SLC2A9: variants seen among roughly 807,000 people sequenced by gnomAD.
SLC2A9 encodes solute carrier family 2 member 9, also known as solute carrier family 2, facilitated glucose transporter member 9.
A neutral mutation model predicts 50.6 loss-of-function variants in SLC2A9; 39 were observed. That is an observed-to-expected ratio of 0.77 (90% CI 0.60 to 1.01). The LOEUF (loss-of-function observed/expected upper bound fraction) is 1.01, where lower values mean the gene tolerates loss of function less well. SLC2A9 is among the 50% of genes least tolerant of loss of function. The pLI is 0.00. For missense variants in SLC2A9, 686 were observed against 677.6 expected (o/e 1.01, Z -0.14); for synonymous variants, 324 against 276.9 (o/e 1.17, Z -1.69).
intron 3 of SLC2A9, among the ~76,000 whole-genome samples, chr4:9,786,300 A>G (rs1292098809): frequency 2.0e-5 from 3 of 152,224 alleles, no homozygotes; most frequent in Non-Finnish European, 4.4e-5. Flanking sequence ...GCCTGTGGTC[A>G]CAGAGCTCCT....
intron 5 of SLC2A9, among the ~76,000 whole-genome samples, chr4:9,971,205 C>T (rs894175317): frequency 6.6e-6 from 1 of 152,084 alleles, no homozygotes; most frequent in African/African-American, 2.4e-5. Context: ...ACAAGTTTCA[C>T]CTAATTTGTC....
At chr4:9,935,496 A>G (rs116050058) in intron 6 of SLC2A9, among the ~76,000 whole-genome samples, 5,569 of 152,258 alleles carry the variant, frequency 0.037, 363 homozygotes, top group African/African-American at 0.13. Flanking sequence ...CAGAACCTGG[A>G]GCTGAGCTGG....
intron 5 of SLC2A9, among the ~76,000 whole-genome samples, chr4:9,949,565 G>A (rs1252994029): frequency 1.3e-5 from 2 of 152,208 alleles, no homozygotes; most frequent in African/African-American, 4.8e-5. Flanking sequence ...AGGGGGTCTG[G>A]CAGAACAAGA....
chr4:10,004,060 A>C (rs952721103), intron 2 of SLC2A9, among the ~76,000 whole-genome samples: 2 of 152,184 alleles, frequency 1.3e-5, no homozygotes, highest in African/African-American at 4.8e-5. Context: ...CCATCTCTTA[A>C]CCATTACTTT....
chr4:9,925,693 T>G (rs191049909), intron 6 of SLC2A9, among the ~76,000 whole-genome samples: 2 of 152,302 alleles, frequency 1.3e-5, no homozygotes, highest in Admixed American at 6.5e-5. Context: ...GAGCCTTGCA[T>G]AGAATGTACA....
At chr4:10,018,792 C>T (rs1177407361) in intron 2 of SLC2A9, among the ~76,000 whole-genome samples, 183 bp downstream of exon 2, 1 of 152,140 alleles carries the variant, frequency 6.6e-6, no homozygotes, top group Non-Finnish European at 1.5e-5. Context: ...CCGCCCCTGT[C>T]CCCGTGTCAT....
intron 1 of SLC2A9, among the ~76,000 whole-genome samples, chr4:9,772,489 T>C (rs866016016): frequency 1.3e-5 from 2 of 152,330 alleles, no homozygotes; most frequent in Non-Finnish European, 1.5e-5. Flanking sequence ...CCGGAGGCTC[T>C]AACAGAATGT....
rs558803601 is a variant in SLC2A9, at chr4:10,014,421, G to T, written c.249+4554C>A. Among the ~76,000 whole-genome samples, 3 of 152,342 alleles carry T rather than the reference G, an allele frequency of 2.0e-5. No homozygotes were observed. The East Asian group carries it at 5.8e-4, about 29-fold the overall frequency. On this transcript the variant is annotated intron_variant, in intron 2 of 11. Transcript: ENST00000264784. The stretch of plus-strand genomic sequence containing the variant: ...ACTCAGGGCAGTTTCCACCTCGGAA[G>T]GGCCTCCCAGGGCGAGCCTTGGCCC...
At chr4:9,834,439 A>G (rs1263958909) in intron 11 of SLC2A9, among the ~76,000 whole-genome samples, 2 of 152,102 alleles carry the variant, frequency 1.3e-5, no homozygotes, top group African/African-American at 2.4e-5. Flanking sequence ...GCATTTTCCT[A>G]CTGATCACTG....
intron 10 of SLC2A9, among the ~76,000 whole-genome samples, chr4:9,862,801 A>G (rs1731859835): frequency 6.6e-6 from 1 of 152,010 alleles, no homozygotes. Context: ...CTGGTCAGTA[A>G]TCCTCAATAT....
intron 5 of SLC2A9, among the ~76,000 whole-genome samples, chr4:9,957,952 AG>A (rs1284396328): frequency 5.9e-5 from 9 of 152,230 alleles, no homozygotes; most frequent in African/African-American, 1.4e-4. Flanking sequence ...ACAACTGAAG[AG>A]AAAGATTCTC....
chr4:9,821,957 T>C (rs1287324714), downstream of SLC2A9, among the ~76,000 whole-genome samples: 2 of 152,238 alleles, frequency 1.3e-5, no homozygotes, highest in Admixed American at 1.3e-4. Context: ...GAGTGACTTT[T>C]GATAGTGTCT....
At chr4:9,879,402 T>C in intron 10 of SLC2A9, 1 of 975,736 alleles carries the variant, frequency 1.0e-6, no homozygotes, top group Non-Finnish European at 1.2e-6. Flanking sequence ...GTGTGTGTGT[T>C]TGTGCGTGTG....
rs563201663 is a variant in SLC2A9, at chr4:9,877,126, A to T, written c.1291+10441T>A. 2.6e-5 allele frequency among the ~76,000 whole-genome samples: 4 copies of T among 152,352 alleles called. No individual in the cohort carries two copies. In the South Asian group the frequency reaches 8.3e-4, roughly 32 times the overall value. ...ATTCCCTAACTTTTGAGGGGAAAGGAGACATCTGATTCGACTCCCCCTAAA... is the reference window on the plus strand; with the variant it reads ...ATTCCCTAACTTTTGAGGGGAAAGGTGACATCTGATTCGACTCCCCCTAAA... On this transcript the variant is annotated intron_variant, in intron 10 of 11. Transcript: ENST00000264784.
chr4:9,827,823 C>T (rs1725391459), intron 11 of SLC2A9, among the ~76,000 whole-genome samples: 2 of 152,180 alleles, frequency 1.3e-5, no homozygotes, highest in African/African-American at 4.8e-5. Context: ...AGTATGGGCT[C>T]TGAAGCCAGT....
At chr4:9,782,598 G>T (rs749801481) in intron 3 of SLC2A9, 3 of 1,613,954 alleles carry the variant, frequency 1.9e-6, no homozygotes, top group Non-Finnish European at 2.5e-6. Context: ...TCTTGGGGCG[G>T]GCTGGACCTG....
intron 9 of SLC2A9, among the ~76,000 whole-genome samples, chr4:9,889,130 G>C (rs746994930): frequency 1.1e-4 from 16 of 152,204 alleles, no homozygotes; most frequent in Non-Finnish European, 2.4e-4. Context: ...GGGAACACAG[G>C]AGAGAGCACC....
At chr4:10,000,515 C>T (rs1759590219) in intron 2 of SLC2A9, among the ~76,000 whole-genome samples, 1 of 152,164 alleles carries the variant, frequency 6.6e-6, no homozygotes, top group Non-Finnish European at 1.5e-5. Context: ...AATCCAGGTG[C>T]CATCTGGTTG....
At chr4:9,846,858 C>T (rs1168772397) in intron 10 of SLC2A9, among the ~76,000 whole-genome samples, 3 of 148,736 alleles carry the variant, frequency 2.0e-5, no homozygotes, top group African/African-American at 7.8e-5. Context: ...ATTTCTAAAG[C>T]CCCCCCAAAT....
Sources: gnomAD v4.1 joint callset for allele counts (sites outside exome capture counted in the v4.1 genomes callset) on GRCh38, gnomAD v4.1.1 for gene constraint, MANE v1.5 for transcripts, NCBI Gene and HGNC (gene_info 2026-07-23, HGNC 2026-07-21) for gene names.